TNPO2: variants seen among roughly 807,000 people sequenced by gnomAD.
TNPO2 encodes the protein transportin-2.
In TNPO2, 16 loss-of-function variants were observed where a neutral mutation model predicts 111.1. The observed-to-expected ratio is 0.14, with a 90% CI of 0.10 to 0.22. The LOEUF is 0.22. Ranked by LOEUF, TNPO2 falls within the 10% of genes least tolerant of loss-of-function variation. The probability of loss-of-function intolerance (pLI) is 1.00; values close to 1 mark genes in which losing one functional copy is unlikely to be tolerated. For missense variants in TNPO2, 530 were observed against 1,173.7 expected (o/e 0.45, Z 8.01); for synonymous variants, 481 against 475.8 (o/e 1.01, Z -0.14).
At position 12,719,843 on chromosome 19, in the gene TNPO2, G is replaced by T. The variant is rs149248284; in HGVS notation, c.100-507C>A. On this transcript the variant is annotated intron_variant, in intron 3 of 25. Coordinates refer to ENST00000425528, the MANE Select transcript of TNPO2 (RefSeq NM_001382241.1). The surrounding 1 kb of genome is among the most constrained non-coding windows in gnomAD (Gnocchi z 5.0). Reference sequence around the variant, plus strand: ...CAAGGAGTTGGGTGGAAATGTCTGAGTTTCCCATCCACTCCTGAAGACCCA... The same window carrying T: ...CAAGGAGTTGGGTGGAAATGTCTGATTTTCCCATCCACTCCTGAAGACCCA... 6.6e-6 allele frequency among the ~76,000 whole-genome samples: 1 copy of T among 151,346 alleles called. No individual in the cohort carries two copies. The highest frequency in any genetic ancestry group is 1.5e-5 in the Non-Finnish European group (1 of 67,938).
rs1376136104 is a variant in TNPO2, at chr19:12,721,851, A to G, written c.-13-861T>C. ...CGGATCTCTGTTGCCTCTCCCAGTC[A>G]AGTTCGGCCGAGCCCCCCACCACCT... On this transcript the variant is annotated intron_variant, in intron 2 of 25. Transcript: ENST00000425528. This position sits in a 1 kb window ranked among gnomAD's most constrained non-coding sequence, Gnocchi z 4.9. 6.6e-6 allele frequency: 1 copy of G among 152,556 alleles called. No individual in the cohort carries two copies. The highest frequency in any genetic ancestry group is 1.5e-5 in the Non-Finnish European group (1 of 68,460). The allele number at this position is 152,556 out of a possible 1,614,324, so 9.5% of individuals were successfully genotyped here.
At chr19:12,703,367 C>A in intron 20 of TNPO2, 61 bp downstream of exon 20, 1 of 1,503,320 alleles carries the variant, frequency 6.7e-7, no homozygotes. Flanking sequence ...AGCTAGGCTC[C>A]CGCCCCCAGG....
rs371583839 is a variant in TNPO2, at chr19:12,710,760, C to A, written c.1131G>T (p.Ala377=). The change falls in exon 13 of 26, where the codon GCG becomes GCT. Residue 377 remains alanine, a synonymous_variant. Transcript: ENST00000425528. ...LSDWNLRKCS[A]AALDVLANVF... ...CATTGGCGAGGACGTCCAGTGCAGC[C>A]GCTGAGCACTTCCCTGGGGAAGGGG... The A allele has an allele frequency of 6.2e-7, 1 of 1,610,692 alleles. No individual in the cohort carries two copies. The highest frequency in any genetic ancestry group is 1.1e-5 in the South Asian group (1 of 90,516).
rs1216881660 is a variant in TNPO2, at chr19:12,714,388, C to T, written c.890+433G>A. On this transcript the variant is annotated intron_variant, in intron 10 of 25. Coordinates refer to ENST00000425528, the MANE Select transcript of TNPO2 (RefSeq NM_001382241.1). ...AGTGCAGTGGCACGACCTTGGCTCACTACAACCTCAGCCTCCTGGGTTCAA... is the reference window on the plus strand; with the variant it reads ...AGTGCAGTGGCACGACCTTGGCTCATTACAACCTCAGCCTCCTGGGTTCAA... Among the ~76,000 whole-genome samples the T allele has an allele frequency of 2.6e-5, 4 of 151,320 alleles. No individual in the cohort carries two copies. The East Asian group carries it at 7.7e-4, about 29-fold the overall frequency.
At position 12,702,006 on chromosome 19, in the gene TNPO2, C is replaced by T; in HGVS notation, c.2411+66G>A. ...GTAGGCAGATGGGGCTGGAAATGCA[C>T]AGGCGAGGGAGGGGGTTGGGCCAGT... is the stretch of plus-strand genomic sequence containing the variant. On this transcript the variant is annotated intron_variant, in intron 22 of 25. Transcript: ENST00000425528. The surrounding 1 kb of genome is among the most constrained non-coding windows in gnomAD (Gnocchi z 5.5). The T allele has an allele frequency of 6.6e-7, 1 of 1,525,262 alleles. No individual in the cohort carries two copies. The highest frequency in any genetic ancestry group is 9.1e-7 in the Non-Finnish European group (1 of 1,100,424). 94.5% of individuals were successfully genotyped at this position (1,525,262 alleles called of 1,614,324 possible).
At chr19:12,709,033 C>G (rs2025876258) in intron 13 of TNPO2, among the ~76,000 whole-genome samples, 1 of 147,732 alleles carries the variant, frequency 6.8e-6, no homozygotes, top group Admixed American at 6.8e-5. Flanking sequence ...GAGGGAGACT[C>G]CATCTCAAAA....
At position 12,701,264 on chromosome 19, in the gene TNPO2, T is replaced by TCATG. The variant is rs2025279637; in HGVS notation, c.*21-25_*21-22dup. ...GAAACCTGCAGGGGGAGGAGGAAGG[T>TCATG]CATGGCCTGGGACCTTTCGGCCCCC... On this transcript the variant is annotated intron_variant, in intron 25 of 25. Coordinates refer to ENST00000425528, the MANE Select transcript of TNPO2 (RefSeq NM_001382241.1). The surrounding 1 kb of genome is among the most constrained non-coding windows in gnomAD (Gnocchi z 5.0). The TCATG allele has an allele frequency of 1.8e-6, 2 of 1,137,852 alleles. No homozygotes were observed. The highest frequency in any genetic ancestry group is 2.7e-5 in the South Asian group (2 of 74,196). The allele number at this position is 1,137,852 out of a possible 1,614,324, so 70.5% of individuals were successfully genotyped here.
Position 12,701,047 on chromosome 19 carries a change from T to G in TNPO2, c.*217A>C. ...CCAGAAGTCCCCCCCACCTCCCCGT[T>G]TGTAGGATGAGCATGGTGGCCCCAC... On this transcript the variant is annotated 3_prime_UTR_variant, in exon 26 of 26. Coordinates refer to ENST00000425528, the MANE Select transcript of TNPO2 (RefSeq NM_001382241.1). The surrounding 1 kb of genome is among the most constrained non-coding windows in gnomAD (Gnocchi z 5.0). The G allele has an allele frequency of 3.2e-5, 10 of 308,090 alleles. No homozygotes were observed. The highest frequency in any genetic ancestry group is 1.3e-4 in the East Asian group (2 of 15,824). 19.1% of individuals were successfully genotyped at this position (308,090 alleles called of 1,614,324 possible). A position where few individuals can be genotyped will look rare whatever the true frequency, so the allele number is the denominator to read the frequency against.
At chr19:12,709,281 G>T (rs1176299561) in intron 13 of TNPO2, among the ~76,000 whole-genome samples, 2 of 151,620 alleles carry the variant, frequency 1.3e-5, no homozygotes, top group African/African-American at 4.8e-5. Context: ...AGAATCACTT[G>T]AACCTGGAAG....
chr19:12,722,359 C>T (rs1967035753), intron 2 of TNPO2: 1 of 150,578 alleles, frequency 6.6e-6, no homozygotes, highest in Admixed American at 6.6e-5. Flanking sequence ...GCTTCCCGGC[C>T]TTTCCCGGTC....
intron 12 of TNPO2, 183 bp downstream of exon 12, chr19:12,711,113 G>C (rs978150512): frequency 1.4e-6 from 1 of 729,796 alleles, no homozygotes; most frequent in South Asian, 1.8e-5. Flanking sequence ...CCAGGATGGT[G>C]TTGATCTCCT....
chr19:12,703,188 G>T (rs756156395), intron 20 of TNPO2: 4 of 585,658 alleles, frequency 6.8e-6, no homozygotes, highest in Non-Finnish European at 1.2e-5. Context: ...AAAAGCCAAA[G>T]TCACCCAACC....
At chr19:12,711,700 G>T in intron 10 of TNPO2, 87 bp from the exon 11 acceptor site, 1 of 1,154,370 alleles carries the variant, frequency 8.7e-7, no homozygotes, top group Non-Finnish European at 1.3e-6. Context: ...GCAAACAGGT[G>T]CCAACAGAGT....
chr19:12,713,118 C>A (rs939231387), intron 10 of TNPO2, among the ~76,000 whole-genome samples: 4 of 152,198 alleles, frequency 2.6e-5, no homozygotes, highest in African/African-American at 4.8e-5. Context: ...CACTGAAAAT[C>A]TTGGTACAGT....
chr19:12,719,282 G>A lies in TNPO2; in HGVS notation c.154C>T (p.Leu52=), dbSNP rs1460300741. ...PDFNNYLIFV[L]TRLKSEDEPT... ...GTACCTTCTGACTTGAGTCTGGTCA[G>A]GACGAAAATCAGGTAGTTGTTGAAG... Residue 52 remains leucine, a synonymous_variant, in exon 4 of 26, where the codon CTG becomes TTG. Coordinates refer to ENST00000425528, the MANE Select transcript of TNPO2 (RefSeq NM_001382241.1). The surrounding 1 kb of genome is among the most constrained non-coding windows in gnomAD (Gnocchi z 5.0). The A allele has an allele frequency of 3.1e-6, 5 of 1,613,942 alleles. No individual in the cohort carries two copies. The highest frequency in any genetic ancestry group is 1.3e-5 in the African/African-American group (1 of 75,022).
Position 12,702,248 on chromosome 19 carries a change from T to C in TNPO2, c.2306-71A>G. The C allele has an allele frequency of 2.2e-6, 3 of 1,390,096 alleles. No individual in the cohort carries two copies. Among genetic ancestry groups the C allele is most frequent in the Non-Finnish European group, 3.0e-6 (3 of 1,002,500 alleles). The allele number at this position is 1,390,096 out of a possible 1,614,324, so 86.1% of individuals were successfully genotyped here. The stretch of plus-strand genomic sequence containing the variant: ...GCACAAGGCACCAAGCCCCGCCCCA[T>C]GAGCCCCAAGGGAATGGCTACTGCA... On this transcript the variant is annotated intron_variant, in intron 21 of 25. Coordinates refer to ENST00000425528, the MANE Select transcript of TNPO2 (RefSeq NM_001382241.1). This position sits in a 1 kb window ranked among gnomAD's most constrained non-coding sequence, Gnocchi z 5.5.
chr19:12,702,233 C>T lies in TNPO2; in HGVS notation c.2306-56G>A, dbSNP rs1415409701. 1 of 1,462,750 alleles carries T rather than the reference C, an allele frequency of 6.8e-7. No homozygotes were observed. The highest frequency in any genetic ancestry group is 1.4e-5 in the African/African-American group (1 of 71,336). The allele number at this position is 1,462,750 out of a possible 1,614,324, so 90.6% of individuals were successfully genotyped here. ...GTGGCGGGGCCTCTGGCACAAGGCA[C>T]CAAGCCCCGCCCCATGAGCCCCAAG... On this transcript the variant is annotated intron_variant, in intron 21 of 25. Coordinates refer to ENST00000425528, the MANE Select transcript of TNPO2 (RefSeq NM_001382241.1). The surrounding 1 kb of genome is among the most constrained non-coding windows in gnomAD (Gnocchi z 5.5).
intron 10 of TNPO2, among the ~76,000 whole-genome samples, chr19:12,711,922 C>G (rs1412182702): frequency 6.6e-6 from 1 of 151,580 alleles, no homozygotes; most frequent in East Asian, 1.9e-4. Flanking sequence ...GCAAGCCACC[C>G]AGGCACCGAG....
Position 12,721,359 on chromosome 19 carries a change from C to T in TNPO2, c.-13-369G>A, listed in dbSNP as rs1162156108. ...CGCAGCGGCTGGGCGAGGGCCCAGCCGCCTCCACATCCAGGGGCCCCGCCC... is the reference window on the plus strand; with the variant it reads ...CGCAGCGGCTGGGCGAGGGCCCAGCTGCCTCCACATCCAGGGGCCCCGCCC... On this transcript the variant is annotated intron_variant, in intron 2 of 25. Coordinates refer to ENST00000425528, the MANE Select transcript of TNPO2 (RefSeq NM_001382241.1). The surrounding 1 kb of genome is among the most constrained non-coding windows in gnomAD (Gnocchi z 4.9). The T allele has an allele frequency of 4.1e-6, 5 of 1,226,896 alleles. No individual in the cohort carries two copies. Among genetic ancestry groups the T allele is most frequent in the Admixed American group, 5.4e-5 (2 of 37,062 alleles). The allele number at this position is 1,226,896 out of a possible 1,614,324, so 76.0% of individuals were successfully genotyped here.
Sources: allele counts gnomAD v4.1 joint callset (sites outside exome capture counted in the v4.1 genomes callset), GRCh38; gene constraint gnomAD v4.1.1; non-coding constraint Gnocchi (gnomAD v3.1); transcripts MANE v1.5; gene names NCBI Gene and HGNC (gene_info 2026-07-23, HGNC 2026-07-21).